The following ASZ1 variants were observed in gnomAD, a reference collection of about 807,000 sequenced individuals.
The protein encoded by ASZ1 is ankyrin repeat, SAM and basic leucine zipper domain-containing protein 1.
Under a neutral mutation model 61.8 loss-of-function variants are expected in ASZ1, and 67 were observed. The observed-to-expected ratio is 1.08, with a 90% CI of 0.89 to 1.33. The LOEUF (loss-of-function observed/expected upper bound fraction) is 1.33, where lower values mean the gene tolerates loss of function less well. Ranked by LOEUF, ASZ1 falls within the 40% of genes most tolerant of loss-of-function variation. The pLI is 0.00. For synonymous variants in ASZ1, 193 were observed against 192.7 expected (o/e 1.00, Z -0.01); for missense variants, 577 against 554.5 (o/e 1.04, Z -0.41).
intron 8 of ASZ1, among the ~76,000 whole-genome samples, chr7:117,381,439 G>C (rs1424927922): frequency 6.6e-6 from 1 of 152,012 alleles, no homozygotes; most frequent in Non-Finnish European, 1.5e-5. Context: ...TCTCCAAATA[G>C]GGAGACATTT....
At chr7:117,423,831 C>T (rs1008593289) in intron 2 of ASZ1, among the ~76,000 whole-genome samples, 8 of 149,218 alleles carry the variant, frequency 5.4e-5, no homozygotes, top group Non-Finnish European at 1.2e-4. Context: ...CACTGCACTC[C>T]AGCCTGGGCG....
Position 117,368,646 on chromosome 7 carries a change from T to C in ASZ1, c.1127A>G (p.Asn376Ser). 1 of 1,612,572 alleles carries C rather than the reference T, an allele frequency of 6.2e-7. No individual in the cohort carries two copies. The highest frequency in any genetic ancestry group is 8.5e-7 in the Non-Finnish European group (1 of 1,179,336). Residue 376 changes from asparagine to serine, a missense_variant, in exon 11 of 13, where the codon AAT becomes AGT. Coordinates refer to ENST00000284629, the MANE Select transcript of ASZ1 (RefSeq NM_130768.3). ...QCGHLITAVQ[N>S]VITELPVNSQ... ...ATTTACAGGTAACTCAGTAATAACA[T>C]TCTGTACAGCTGTTATTAAATGGCC... is the stretch of plus-strand genomic sequence containing the variant.
chr7:117,376,190 T>C (rs1796133657), intron 10 of ASZ1, among the ~76,000 whole-genome samples: 1 of 152,052 alleles, frequency 6.6e-6, no homozygotes, highest in Admixed American at 6.6e-5. Flanking sequence ...TTTGGCTTGA[T>C]AAATTAGAAA....
intron 4 of ASZ1, among the ~76,000 whole-genome samples, chr7:117,407,409 TAAA>T (rs768740791): frequency 7.5e-6 from 1 of 133,764 alleles, no homozygotes. Context: ...AACACGGAAG[TAAA>T]AAAAAAAAAA....
At chr7:117,424,094 A>C in intron 2 of ASZ1, among the ~76,000 whole-genome samples, 1 of 152,208 alleles carries the variant, frequency 6.6e-6, no homozygotes, top group East Asian at 1.9e-4. Flanking sequence ...AAAGATACTC[A>C]TAAGAATGAT....
intron 4 of ASZ1, among the ~76,000 whole-genome samples, chr7:117,404,324 C>T (rs1796738602): frequency 6.7e-6 from 1 of 149,036 alleles, no homozygotes; most frequent in Non-Finnish European, 1.5e-5. Flanking sequence ...CAGTATTAGG[C>T]TGTCTTTTTT....
At chr7:117,365,919 C>G (rs1008650375) in intron 12 of ASZ1, among the ~76,000 whole-genome samples, 1 of 152,338 alleles carries the variant, frequency 6.6e-6, no homozygotes, top group Non-Finnish European at 1.5e-5. Context: ...TCTTTCCCAG[C>G]TATTATTTTG....
intron 2 of ASZ1, among the ~76,000 whole-genome samples, chr7:117,426,269 C>G (rs1234650829): frequency 6.7e-5 from 10 of 149,656 alleles, no homozygotes; most frequent in Admixed American, 6.7e-4. Flanking sequence ...ATCACAAGGT[C>G]AGAGGATCGA....
intron 8 of ASZ1, among the ~76,000 whole-genome samples, chr7:117,381,466 A>G (rs777622658): frequency 9.2e-5 from 14 of 152,146 alleles, no homozygotes; most frequent in Non-Finnish European, 1.8e-4. Context: ...TATACAATGA[A>G]GCACAACTCT....
Position 117,424,813 on chromosome 7 carries a change from C to G in ASZ1, c.205+2023G>C, listed in dbSNP as rs1477642547. ...GTTTATTCAATTTCGTTTTTCAATTCCAAACTCAAGTTCCATTGTCCAAAA... is the reference window on the plus strand; with the variant it reads ...GTTTATTCAATTTCGTTTTTCAATTGCAAACTCAAGTTCCATTGTCCAAAA... On this transcript the variant is annotated intron_variant, in intron 2 of 12. Transcript: ENST00000284629. 2.6e-5 allele frequency among the ~76,000 whole-genome samples: 4 copies of G among 152,314 alleles called. No homozygotes were observed. In the South Asian group the frequency reaches 8.3e-4, roughly 32 times the overall value.
chr7:117,414,048 G>A (rs911212574), intron 4 of ASZ1, among the ~76,000 whole-genome samples: 3 of 152,070 alleles, frequency 2.0e-5, no homozygotes, highest in African/African-American at 7.2e-5. Context: ...ATGGCACAAT[G>A]AGACTGAAAA....
chr7:117,414,444 A>C (rs1796951390), intron 4 of ASZ1, among the ~76,000 whole-genome samples: 1 of 152,176 alleles, frequency 6.6e-6, no homozygotes, highest in African/African-American at 2.4e-5. Flanking sequence ...CTATTTAGTT[A>C]ATAAGTTTGG....
At chr7:117,426,997 G>T in intron 1 of ASZ1, 62 bp from the exon 2 acceptor site, 1 of 1,453,926 alleles carries the variant, frequency 6.9e-7, no homozygotes, top group Non-Finnish European at 9.3e-7. Flanking sequence ...ACCTCATCAG[G>T]AAACAATAAT....
chr7:117,380,084 T>A lies in ASZ1; in HGVS notation c.946-37A>T, dbSNP rs753939069. 4 of 1,327,674 alleles carry A rather than the reference T, an allele frequency of 3.0e-6. No individual in the cohort carries two copies. The Admixed American group carries it at 8.0e-5, about 27-fold the overall frequency. 82.2% of individuals were successfully genotyped at this position (1,327,674 alleles called of 1,614,324 possible). On this transcript the variant is annotated intron_variant, in intron 9 of 12. Transcript: ENST00000284629. ...TAATTTTAAGGTACAGTAAGTTAGT[T>A]ATACTTGAGTAATTTAAAACTCAAA...
At chr7:117,402,209 T>C (rs1479423098) in intron 4 of ASZ1, among the ~76,000 whole-genome samples, 1 of 152,160 alleles carries the variant, frequency 6.6e-6, no homozygotes, top group Non-Finnish European at 1.5e-5. Flanking sequence ...GAGCACCAAA[T>C]GGAACTCTGC....
chr7:117,373,157 A>G (rs1796079023), intron 10 of ASZ1, among the ~76,000 whole-genome samples: 1 of 152,216 alleles, frequency 6.6e-6, no homozygotes, highest in Non-Finnish European at 1.5e-5. Context: ...AGGAACAGTT[A>G]AAAATTTCAA....
chr7:117,393,830 T>C (rs1796524395), intron 4 of ASZ1, among the ~76,000 whole-genome samples: 1 of 152,182 alleles, frequency 6.6e-6, no homozygotes, highest in Non-Finnish European at 1.5e-5. Context: ...CCTTGTTAGA[T>C]TGATCAAGTT....
intron 3 of ASZ1, among the ~76,000 whole-genome samples, chr7:117,421,614 T>C (rs1797101586): frequency 6.6e-6 from 1 of 152,096 alleles, no homozygotes; most frequent in African/African-American, 2.4e-5. Context: ...ATGTAAAATA[T>C]ATAAATGAGA....
chr7:117,390,188 T>C lies in ASZ1; in HGVS notation c.441-4379A>G, dbSNP rs1796437690. ...CTTTGTAACAGTGGGGGTTTTTTTT[T>C]TGAGACAGGGTTGTACTGTCACACA... On this transcript the variant is annotated intron_variant, in intron 4 of 12. Transcript: ENST00000284629. Among the ~76,000 whole-genome samples the C allele has an allele frequency of 2.0e-5, 3 of 151,782 alleles. No homozygotes were observed. In the South Asian group the frequency reaches 6.3e-4, roughly 32 times the overall value.
Sources: allele counts gnomAD v4.1 joint callset (sites outside exome capture counted in the v4.1 genomes callset), GRCh38; gene constraint gnomAD v4.1.1; transcripts MANE v1.5; gene names NCBI Gene and HGNC (gene_info 2026-07-23, HGNC 2026-07-21).